GATA4: variants seen among roughly 807,000 people sequenced by gnomAD.
GATA4 encodes transcription factor GATA-4.
A neutral mutation model predicts 37.9 loss-of-function variants in GATA4; 7 were observed. The ratio of observed to expected loss-of-function variants is 0.18; its 90% confidence interval spans 0.11 to 0.35. The LOEUF is 0.35. Among genes scored for constraint, GATA4 ranks in the 10% least tolerant of loss-of-function variants. The pLI is 1.00. For synonymous variants in GATA4, 372 were observed against 292.6 expected, an observed-to-expected ratio of 1.27 and a Z score of -2.77; for missense variants, 647 against 653.0, an observed-to-expected ratio of 0.99 and a Z score of 0.10.
Position 11,708,615 on chromosome 8 carries a change from G to A in GATA4, c.303G>A (p.Pro101=), listed in dbSNP as rs1585595911. 2.2e-6 allele frequency: 3 copies of A among 1,344,158 alleles called. No individual in the cohort carries two copies. The highest frequency in any genetic ancestry group is 2.0e-5 in the South Asian group (1 of 49,944). The allele number at this position is 1,344,158 out of a possible 1,614,324, so 83.3% of individuals were successfully genotyped here. Residue 101 remains proline, a synonymous_variant, in exon 2 of 7, where the codon CCG becomes CCA. Coordinates refer to ENST00000532059, the MANE Select transcript of GATA4 (RefSeq NM_001308093.3). The surrounding 1 kb of genome is among the most constrained non-coding windows in gnomAD (Gnocchi z 6.7). ...QAGADGAAYT[P]PPVSPRFSFP... is the part of the protein sequence containing the mutation. ...GAGCCGACGGAGCCGCTTACACCCC[G>A]CCGCCGGTGTCGCCGCGCTTCTCCT...
At position 11,729,351 on chromosome 8, in the gene GATA4, C is replaced by T. The variant is rs149252018; in HGVS notation, c.617-19565C>T. Among the ~76,000 whole-genome samples, 313 of 152,134 alleles carry T rather than the reference C, an allele frequency of 2.1e-3. 4 individuals carry two copies. The highest frequency in any genetic ancestry group is 7.4e-3 in the African/African-American group (305 of 41,490). On this transcript the variant is annotated intron_variant, in intron 2 of 6. Transcript: ENST00000532059. ...TTGGGAGGCCAGGGTGAACGGATCACGAGGTCAGGAGTTCAAGACTAGCCT... is the reference window on the plus strand; with the variant it reads ...TTGGGAGGCCAGGGTGAACGGATCATGAGGTCAGGAGTTCAAGACTAGCCT...
At chr8:11,758,168 G>C in intron 6 of GATA4, 125 bp from the exon 7 acceptor site, 1 of 889,842 alleles carries the variant, frequency 1.1e-6, no homozygotes, top group East Asian at 2.4e-5. Flanking sequence ...GTGCTCCTTG[G>C]TCCCTTCCTG....
At chr8:11,748,497 T>G (rs1399774154) in intron 2 of GATA4, among the ~76,000 whole-genome samples, 2 of 152,220 alleles carry the variant, frequency 1.3e-5, no homozygotes, top group East Asian at 3.8e-4. Flanking sequence ...GGCACTAATT[T>G]TCCTAAGGTA....
At chr8:11,713,645 A>G (rs767640457) in intron 2 of GATA4, among the ~76,000 whole-genome samples, 1 of 152,126 alleles carries the variant, frequency 6.6e-6, no homozygotes, top group Non-Finnish European at 1.5e-5. Flanking sequence ...AGCAAAAAAA[A>G]AAAAGAAAAA....
At chr8:11,686,154 C>G (rs56109436) in intron 1 of GATA4, among the ~76,000 whole-genome samples, 32,038 of 151,010 alleles carry the variant, frequency 0.21, 6,079 homozygotes, top group African/African-American at 0.51. Flanking sequence ...GTCACAAAAG[C>G]AAGTAGAAGT....
upstream of GATA4, among the ~76,000 whole-genome samples, chr8:11,689,391 A>G (rs1407503414): frequency 6.6e-6 from 1 of 152,226 alleles, no homozygotes; most frequent in Admixed American, 6.5e-5. Flanking sequence ...ATGATTACCC[A>G]GAACAGCAGC....
chr8:11,739,902 T>G (rs1801645779), intron 2 of GATA4, among the ~76,000 whole-genome samples: 1 of 152,202 alleles, frequency 6.6e-6, no homozygotes, highest in Non-Finnish European at 1.5e-5. Flanking sequence ...GTTTTAAGAC[T>G]GTACCACTGT....
intron 4 of GATA4, among the ~76,000 whole-genome samples, chr8:11,752,012 G>T (rs1279129162): frequency 6.6e-6 from 1 of 152,096 alleles, no homozygotes; most frequent in African/African-American, 2.4e-5. Flanking sequence ...GTTTGTGGTG[G>T]CAAAAACTAG....
chr8:11,704,227 G>C lies in GATA4; in HGVS notation c.-535G>C, dbSNP rs1799789563. The C allele has an allele frequency of 2.0e-5, 3 of 152,420 alleles. No individual in the cohort carries two copies. In the South Asian group the frequency reaches 6.2e-4, roughly 32 times the overall value. 9.4% of individuals were successfully genotyped at this position (152,420 alleles called of 1,614,324 possible). ...GGGGACTTGGAGGCGGCCGGCGCAG[G>C]GGCCGCGAGAGGCTTCGTCGCCGCT... On this transcript the variant is annotated 5_prime_UTR_variant, in exon 1 of 7. Coordinates refer to ENST00000532059, the MANE Select transcript of GATA4 (RefSeq NM_001308093.3).
intron 2 of GATA4, among the ~76,000 whole-genome samples, chr8:11,729,517 C>T (rs879478938): frequency 6.6e-6 from 1 of 150,858 alleles, no homozygotes; most frequent in Non-Finnish European, 1.5e-5. Flanking sequence ...TGCTGTGCCA[C>T]TGCACTCCAG....
At chr8:11,692,628 C>G (rs1799352316) in exon 1 of GATA4, 1 of 985,078 alleles carries the variant, frequency 1.0e-6, no homozygotes, top group Non-Finnish European at 1.2e-6. Flanking sequence ...TGGGGACCCG[C>G]GGCCTCTGCG....
chr8:11,681,425 C>G (rs1012286614), intron 1 of GATA4: 3 of 982,470 alleles, frequency 3.1e-6, no homozygotes, highest in African/African-American at 3.6e-5. Flanking sequence ...ACTCGGGGGC[C>G]GTAGCTACGA....
chr8:11,734,610 C>T (rs1330469868), intron 2 of GATA4, among the ~76,000 whole-genome samples: 2 of 152,218 alleles, frequency 1.3e-5, no homozygotes, highest in East Asian at 3.8e-4. Flanking sequence ...CCTCAGCCTC[C>T]TGAGTTGCTG....
At chr8:11,728,809 G>A (rs1446932255) in intron 2 of GATA4, among the ~76,000 whole-genome samples, 1 of 152,176 alleles carries the variant, frequency 6.6e-6, no homozygotes. Context: ...TTCCTTCTCA[G>A]TATTAATCTA....
In GATA4 at chr8:11,758,786, C is replaced by T. The variant is rs570426044; in HGVS notation, c.*311C>T. ...CTGCGTTCCCCACTGTGGCCTAGAC[C>T]GTGGGTTTTGCATTGTGTTTCTAGC... On this transcript the variant is annotated 3_prime_UTR_variant, in exon 7 of 7. Coordinates refer to ENST00000532059, the MANE Select transcript of GATA4 (RefSeq NM_001308093.3). 8.7e-5 allele frequency: 36 copies of T among 415,724 alleles called. No individual in the cohort carries two copies. The highest frequency in any genetic ancestry group is 6.3e-4 in the African/African-American group (31 of 49,270). The allele number at this position is 415,724 out of a possible 1,614,324, so 25.8% of individuals were successfully genotyped here.
At chr8:11,701,223 G>T (rs1158771020), upstream of GATA4, among the ~76,000 whole-genome samples, 1 of 142,890 alleles carries the variant, frequency 7.0e-6, no homozygotes, top group Non-Finnish European at 1.5e-5. Context: ...CTGACACTGG[G>T]TCATTAGACC....
intron 1 of GATA4, chr8:11,680,760 C>A: frequency 1.0e-6 from 1 of 985,360 alleles, no homozygotes; most frequent in African/African-American, 1.7e-5. Flanking sequence ...CTTCTGCGCA[C>A]CCCTCTCCAG....
At chr8:11,735,961 A>C (rs1289553920) in intron 2 of GATA4, among the ~76,000 whole-genome samples, 1 of 151,974 alleles carries the variant, frequency 6.6e-6, no homozygotes, top group Non-Finnish European at 1.5e-5. Flanking sequence ...CCCAGGTTGG[A>C]GTGTGGTGGT....
At chr8:11,756,752 G>T (rs1802587485) in intron 5 of GATA4, 183 bp from the exon 6 acceptor site, 5 of 744,338 alleles carry the variant, frequency 6.7e-6, no homozygotes, top group Middle Eastern at 7.4e-4. Context: ...TTTGAGATGA[G>T]ATAGGGGGAA....
Sources: gnomAD v4.1 joint callset for allele counts (sites outside exome capture counted in the v4.1 genomes callset) on GRCh38, gnomAD v4.1.1 for gene constraint, Gnocchi (gnomAD v3.1) non-coding constraint, MANE v1.5 for transcripts, NCBI Gene and HGNC (gene_info 2026-07-23, HGNC 2026-07-21) for gene names.